Variants in BLACAT1 observed in about 807,000 individuals in gnomAD.
BLACAT1 encodes the protein bladder cancer associated transcript 1.
intron 1 of BLACAT1, among the ~76,000 whole-genome samples, chr1:205,451,559 T>G (rs1276510725): frequency 4.2e-5 from 6 of 143,468 alleles, no homozygotes; most frequent in East Asian, 2.0e-4. Context: ...TTGGGGGGAG[T>G]GGTCGGGGGG....
chr1:205,444,356 T>G (rs547693511), intron 1 of BLACAT1, among the ~76,000 whole-genome samples: 1 of 152,132 alleles, frequency 6.6e-6, no homozygotes, highest in East Asian at 1.9e-4. Context: ...GTTTACGGTC[T>G]GGGGGCACAG....
At chr1:205,437,991 C>T (rs545115332), downstream of BLACAT1, 55 of 152,262 alleles carry the variant, frequency 3.6e-4, no homozygotes, top group African/African-American at 1.3e-3. Flanking sequence ...TGCAAAAAGC[C>T]CTTCCCTGGG....
chr1:205,442,716 A>G (rs1369229439), intron 1 of BLACAT1, among the ~76,000 whole-genome samples: 2 of 152,010 alleles, frequency 1.3e-5, no homozygotes, highest in African/African-American at 2.4e-5. Flanking sequence ...TTACACACCC[A>G]CTCTGGTGGA....
At chr1:205,445,087 G>C (rs958123142) in intron 1 of BLACAT1, among the ~76,000 whole-genome samples, 3 of 152,136 alleles carry the variant, frequency 2.0e-5, no homozygotes, top group Non-Finnish European at 4.4e-5. Flanking sequence ...TGCGGCTTAG[G>C]AGACCGGATT....
chr1:205,454,881 T>C (rs1575015594), intron 1 of BLACAT1, among the ~76,000 whole-genome samples: 1 of 149,406 alleles, frequency 6.7e-6, no homozygotes, highest in African/African-American at 2.4e-5. Flanking sequence ...AAAAAAATCG[T>C]CAGGAAAGAT....
chr1:205,435,539 A>G (rs1481277999), downstream of BLACAT1: 1 of 152,164 alleles, frequency 6.6e-6, no homozygotes, highest in African/African-American at 2.4e-5. Context: ...TGGTGGAGGG[A>G]CAGAAGAAAG....
chr1:205,439,184 G>A (rs113400775), downstream of BLACAT1, among the ~76,000 whole-genome samples: 45 of 152,314 alleles, frequency 3.0e-4, no homozygotes, highest in Middle Eastern at 6.8e-3. Context: ...TACTATCCAA[G>A]AGGACAAAGA....
chr1:205,437,310 TGTG>T (rs1558742399), downstream of BLACAT1: 10 of 152,838 alleles, frequency 6.5e-5, no homozygotes, highest in Non-Finnish European at 1.0e-4. Flanking sequence ...TGCAGGTGGT[TGTG>T]GTGGTGGTGG....
chr1:205,453,295 C>T (rs1036122785), intron 1 of BLACAT1, among the ~76,000 whole-genome samples: 19 of 152,192 alleles, frequency 1.2e-4, no homozygotes, highest in African/African-American at 4.3e-4. Context: ...ACTAGACCAG[C>T]AGTGTGCTTG....
At chr1:205,444,588 G>T (rs1368028776) in intron 1 of BLACAT1, among the ~76,000 whole-genome samples, 1 of 152,118 alleles carries the variant, frequency 6.6e-6, no homozygotes, top group East Asian at 1.9e-4. Flanking sequence ...GCATGAACAT[G>T]TGGAAGAACC....
intron 1 of BLACAT1, among the ~76,000 whole-genome samples, chr1:205,453,693 C>T (rs1213896205): frequency 6.6e-6 from 1 of 152,096 alleles, no homozygotes; most frequent in African/African-American, 2.4e-5. Flanking sequence ...GTCTCCGCAG[C>T]CTGGGTACCC....
intron 1 of BLACAT1, among the ~76,000 whole-genome samples, chr1:205,451,543 C>T (rs1221454676): frequency 6.6e-6 from 1 of 151,194 alleles, no homozygotes; most frequent in East Asian, 1.9e-4. Flanking sequence ...CCGCCTGTGG[C>T]AGGAGTTGGG....
At chr1:205,447,600 T>C (rs185378051) in intron 1 of BLACAT1, among the ~76,000 whole-genome samples, 11 of 150,670 alleles carry the variant, frequency 7.3e-5, no homozygotes, top group Non-Finnish European at 1.6e-4. Flanking sequence ...AATGTGGGAG[T>C]GGCGACAGGC....
chr1:205,455,547 G>A (rs1285835470), intron 1 of BLACAT1, among the ~76,000 whole-genome samples: 1 of 152,194 alleles, frequency 6.6e-6, no homozygotes, highest in Non-Finnish European at 1.5e-5. Context: ...GGAAACGGAG[G>A]AGGCACTCCA....
intron 1 of BLACAT1, among the ~76,000 whole-genome samples, chr1:205,446,926 TC>T (rs1235057809): frequency 6.6e-6 from 1 of 152,084 alleles, no homozygotes; most frequent in African/African-American, 2.4e-5. Context: ...ATTGTTCTGA[TC>T]CCCCCGCTCC....
chr1:205,445,185 CCTCCCT>C (rs967373487), intron 1 of BLACAT1, among the ~76,000 whole-genome samples: 5 of 152,100 alleles, frequency 3.3e-5, no homozygotes, highest in Admixed American at 2.0e-4. Flanking sequence ...CTCCCCACCT[CCTCCCT>C]CTCCCTCTCC....
intron 1 of BLACAT1, among the ~76,000 whole-genome samples, chr1:205,444,709 T>C (rs1666353423): frequency 6.6e-6 from 1 of 152,110 alleles, no homozygotes; most frequent in Admixed American, 6.5e-5. Flanking sequence ...GCAATGTCCT[T>C]CATCAGAGTG....
chr1:205,440,091 G>A (rs1420474489), exon 2 of BLACAT1, among the ~76,000 whole-genome samples: 1 of 152,086 alleles, frequency 6.6e-6, no homozygotes, highest in Admixed American at 6.5e-5. Flanking sequence ...AAAAGGCAGG[G>A]GAGACAGGAG....
At chr1:205,454,457 T>C (rs74798150) in intron 1 of BLACAT1, among the ~76,000 whole-genome samples, 3,891 of 151,370 alleles carry the variant, frequency 0.026, 80 homozygotes, top group Non-Finnish European at 0.04. Flanking sequence ...TGGTGGTGTA[T>C]GGGCAATGGG....
Sources: allele counts gnomAD v4.1 joint callset (sites outside exome capture counted in the v4.1 genomes callset), GRCh38; gene constraint gnomAD v4.1.1; transcripts MANE v1.5; gene names NCBI Gene and HGNC (gene_info 2026-07-23, HGNC 2026-07-21).